ASB4: variants seen among roughly 807,000 people sequenced by gnomAD.
The protein encoded by ASB4 is ankyrin repeat and SOCS box containing 4.
A neutral mutation model predicts 38.6 loss-of-function variants in ASB4; 35 were observed. That is an observed-to-expected ratio of 0.91 (90% CI 0.69 to 1.20). The LOEUF (loss-of-function observed/expected upper bound fraction) is 1.20. Ranked by LOEUF, ASB4 falls within the 50% of genes most tolerant of loss-of-function variation. The pLI is 0.00. For synonymous variants in ASB4, 195 were observed against 201.3 expected, an observed-to-expected ratio of 0.97 and a Z score of 0.26; for missense variants, 557 against 527.2, an observed-to-expected ratio of 1.06 and a Z score of -0.55.
chr7:95,473,129 G>A, the ASB4 span, among the ~76,000 whole-genome samples: 1 of 152,038 alleles, frequency 6.6e-6, no homozygotes, highest in South Asian at 2.1e-4. Flanking sequence ...AACTAGGAGA[G>A]AAAAAAAGTC....
chr7:95,487,326 G>A (rs1299269835), intron 1 of ASB4, among the ~76,000 whole-genome samples: 1 of 152,152 alleles, frequency 6.6e-6, no homozygotes, highest in Non-Finnish European at 1.5e-5. Context: ...TATGGGGTCT[G>A]TTAGAAAATT....
chr7:95,502,975 G>A (rs1790362012), intron 2 of ASB4, among the ~76,000 whole-genome samples: 1 of 152,150 alleles, frequency 6.6e-6, no homozygotes, highest in Non-Finnish European at 1.5e-5. Flanking sequence ...TTAAAATGAT[G>A]TTTAAAGGAA....
chr7:95,498,317 A>T (rs1790281134), intron 2 of ASB4, among the ~76,000 whole-genome samples: 1 of 152,182 alleles, frequency 6.6e-6, no homozygotes, highest in Admixed American at 6.5e-5. Flanking sequence ...AACATATTAG[A>T]ATAGCTAACA....
At chr7:95,522,246 T>C (rs1215354021) in intron 2 of ASB4, among the ~76,000 whole-genome samples, 2 of 152,180 alleles carry the variant, frequency 1.3e-5, no homozygotes, top group Non-Finnish European at 2.9e-5. Flanking sequence ...AAGGAGAGGC[T>C]GAACTTTGAT....
chr7:95,496,444 T>C (rs776974896), intron 2 of ASB4, among the ~76,000 whole-genome samples: 27 of 152,036 alleles, frequency 1.8e-4, no homozygotes, highest in Non-Finnish European at 3.5e-4. Context: ...TGGGACAGTG[T>C]TTTGAAGGAG....
chr7:95,532,391 G>A (rs1435217429), intron 3 of ASB4, among the ~76,000 whole-genome samples: 1 of 152,130 alleles, frequency 6.6e-6, no homozygotes, highest in Non-Finnish European at 1.5e-5. Flanking sequence ...GGGTACAAAA[G>A]GACATTTGAT....
At chr7:95,498,342 C>T (rs56140670) in intron 2 of ASB4, among the ~76,000 whole-genome samples, 1,854 of 152,250 alleles carry the variant, frequency 0.012, 40 homozygotes, top group African/African-American at 0.041. Context: ...GGCTAACATT[C>T]TAAATGTCCC....
At chr7:95,535,548 C>T (rs904841619) in intron 3 of ASB4, among the ~76,000 whole-genome samples, 1 of 152,140 alleles carries the variant, frequency 6.6e-6, no homozygotes, top group African/African-American at 2.4e-5. Context: ...GATGATTAAA[C>T]TGGGAGTCAG....
Position 95,486,046 on chromosome 7 carries a change from A to G in ASB4, c.75A>G (p.Leu25=). ...TTAAGAGAAATTTCCTTGAGGCGCT[A>G]AAGTCCAATGACTTCGGAAAATTGA... ...KLVKRNFLEA[L]KSNDFGKLKA... is the part of the protein sequence containing the mutation. The change falls in exon 1 of 5, where the codon CTA becomes CTG. Residue 25 remains leucine, a synonymous_variant. Coordinates refer to ENST00000325885, the MANE Select transcript of ASB4 (RefSeq NM_016116.3). The G allele has an allele frequency of 2.5e-6, 4 of 1,614,212 alleles. No individual in the cohort carries two copies. Among genetic ancestry groups the G allele is most frequent in the South Asian group, 1.1e-5 (1 of 91,076 alleles).
intron 2 of ASB4, among the ~76,000 whole-genome samples, chr7:95,501,910 T>A (rs1037474579): frequency 8.7e-4 from 133 of 152,224 alleles, no homozygotes; most frequent in African/African-American, 2.9e-3. Context: ...ACTTACTCTT[T>A]CAAGCCATGT....
chr7:95,509,075 T>C (rs1308099143), intron 2 of ASB4, among the ~76,000 whole-genome samples: 3 of 152,120 alleles, frequency 2.0e-5, no homozygotes, highest in African/African-American at 7.2e-5. Context: ...GGGTGGGTCA[T>C]TCATGTGGTA....
downstream of ASB4, among the ~76,000 whole-genome samples, chr7:95,540,398 T>C (rs1156465679): frequency 2.0e-5 from 3 of 152,124 alleles, no homozygotes; most frequent in African/African-American, 7.2e-5. Context: ...CAAAAGAAAG[T>C]AAAGGGTAAC....
upstream of ASB4, among the ~76,000 whole-genome samples, chr7:95,485,741 T>A (rs749894902): frequency 3.9e-5 from 6 of 152,216 alleles, no homozygotes; most frequent in Admixed American, 2.0e-4. Context: ...ATTGACACTA[T>A]ATATTACTGA....
chr7:95,515,219 TTCTTTCTTTCTTTTTC>T lies in ASB4; in HGVS notation c.488-12592_488-12577del, dbSNP rs1281866218. ...TTTCTTTCTTTCTTTCTTTCTTTCT[TTCTTTCTTTCTTTTTC>T]TTTCTTTCTTTCTTTCCTTCTTTCT... On this transcript the variant is annotated intron_variant, in intron 2 of 4. Coordinates refer to ENST00000325885, the MANE Select transcript of ASB4 (RefSeq NM_016116.3). Among the ~76,000 whole-genome samples the T allele has an allele frequency of 7.9e-3, 1,031 of 130,734 alleles. 15 individuals are homozygous for T. The highest frequency in any genetic ancestry group is 0.028 in the African/African-American group (864 of 30,832). The allele number at this position is 130,734 out of a possible 152,430, so 85.8% of individuals were successfully genotyped here.
intron 1 of ASB4, among the ~76,000 whole-genome samples, chr7:95,491,849 T>C (rs1049481315): frequency 6.6e-6 from 1 of 152,358 alleles, no homozygotes; most frequent in African/African-American, 2.4e-5. Flanking sequence ...TGTACGCTGA[T>C]GGCCCTTTTG....
At chr7:95,546,126 T>C in the ASB4 span, among the ~76,000 whole-genome samples, 2 of 152,230 alleles carry the variant, frequency 1.3e-5, no homozygotes, top group East Asian at 1.9e-4. Context: ...TTTAGTACAA[T>C]GTCAGGCACC....
At chr7:95,495,636 C>T (rs1355272316) in intron 1 of ASB4, 122 bp from the exon 2 acceptor site, 16 of 968,098 alleles carry the variant, frequency 1.7e-5, no homozygotes, top group Non-Finnish European at 2.4e-5. Flanking sequence ...CTGTCATCCC[C>T]TCTCCACCCC....
intron 2 of ASB4, among the ~76,000 whole-genome samples, chr7:95,504,526 C>T (rs1790382588): frequency 6.6e-6 from 1 of 152,148 alleles, no homozygotes; most frequent in East Asian, 1.9e-4. Flanking sequence ...TAAATCTGAC[C>T]ATGTTAGACA....
rs549654052 is a variant in ASB4, at chr7:95,514,158, C to G, written c.488-13655C>G. Among the ~76,000 whole-genome samples, 5 of 152,282 alleles carry G rather than the reference C, an allele frequency of 3.3e-5. No individual in the cohort carries two copies. In the East Asian group the frequency reaches 9.7e-4, roughly 29 times the overall value. Reference sequence around the variant, plus strand: ...TGTCTTCATGACTCCAGTTCCTTGCCCCTTTTTGAATACAGGTCTCTCACC... The same window carrying G: ...TGTCTTCATGACTCCAGTTCCTTGCGCCTTTTTGAATACAGGTCTCTCACC... On this transcript the variant is annotated intron_variant, in intron 2 of 4. Transcript: ENST00000325885.
Sources: gnomAD v4.1 joint callset for allele counts (sites outside exome capture counted in the v4.1 genomes callset) on GRCh38, gnomAD v4.1.1 for gene constraint, MANE v1.5 for transcripts, NCBI Gene and HGNC (gene_info 2026-07-23, HGNC 2026-07-21) for gene names.